The following EDIL3 variants were observed in gnomAD, a reference collection of about 807,000 sequenced individuals.
EDIL3 encodes EGF-like repeat and discoidin I-like domain-containing protein 3.
Under a neutral mutation model 67.4 loss-of-function variants are expected in EDIL3, and 37 were observed. The ratio of observed to expected loss-of-function variants is 0.55; its 90% CI spans 0.42 to 0.72. The LOEUF (loss-of-function observed/expected upper bound fraction) is 0.72. Ranked by LOEUF, EDIL3 falls within the 30% of genes least tolerant of loss-of-function variation. The pLI, the probability that EDIL3 is intolerant of heterozygous loss-of-function variation, is 0.00. For synonymous variants in EDIL3, 195 were observed against 196.3 expected (o/e 0.99, Z 0.05); for missense variants, 527 against 586.3 (o/e 0.90, Z 1.04).
At chr5:84,058,479 A>G (rs1746487868) in intron 9 of EDIL3, among the ~76,000 whole-genome samples, 1 of 152,172 alleles carries the variant, frequency 6.6e-6, no homozygotes, top group South Asian at 2.1e-4. Flanking sequence ...GGGTGGTAGC[A>G]CTGGTGATAG....
At chr5:84,329,485 T>A (rs1270276514) in intron 1 of EDIL3, among the ~76,000 whole-genome samples, 1 of 152,110 alleles carries the variant, frequency 6.6e-6, no homozygotes, top group Non-Finnish European at 1.5e-5. Context: ...CTCTCACAGT[T>A]GTATAGCTCA....
At chr5:84,154,365 CAAT>C (rs1748452785) in intron 4 of EDIL3, among the ~76,000 whole-genome samples, 2 of 151,930 alleles carry the variant, frequency 1.3e-5, no homozygotes, top group South Asian at 4.1e-4. Context: ...AAAAGTGGAA[CAAT>C]GAGAATACTT....
At position 83,980,711 on chromosome 5, in the gene EDIL3, A is replaced by C. The variant is rs549331118; in HGVS notation, c.1138-17351T>G. 3.1e-3 allele frequency among the ~76,000 whole-genome samples: 462 copies of C among 147,230 alleles called. 3 individuals carry two copies. Among genetic ancestry groups the C allele is most frequent in the African/African-American group, 0.01 (408 of 40,722 alleles). On this transcript the variant is annotated intron_variant, in intron 9 of 10. Transcript: ENST00000296591. ...TATATATATATATTTATATATAATA[A>C]ATACATAAATAAAAATTAATAAAAA...
chr5:84,367,078 A>G (rs1486284683), intron 1 of EDIL3, among the ~76,000 whole-genome samples: 1 of 152,204 alleles, frequency 6.6e-6, no homozygotes, highest in Non-Finnish European at 1.5e-5. Flanking sequence ...AAAGATGCAA[A>G]TTATATCATA....
intron 9 of EDIL3, among the ~76,000 whole-genome samples, chr5:84,002,153 C>T (rs1434394344): frequency 6.6e-6 from 1 of 152,084 alleles, no homozygotes; most frequent in African/African-American, 2.4e-5. Context: ...TGTGATGCAT[C>T]ATATCAACAG....
intron 9 of EDIL3, among the ~76,000 whole-genome samples, chr5:84,026,101 A>G (rs188956558): frequency 2.0e-5 from 3 of 152,282 alleles, no homozygotes; most frequent in East Asian, 1.9e-4. Flanking sequence ...TGCAGAATAT[A>G]TGGATTTCTT....
chr5:84,305,674 C>T (rs201167415), intron 1 of EDIL3, among the ~76,000 whole-genome samples: 2 of 152,048 alleles, frequency 1.3e-5, no homozygotes, highest in Non-Finnish European at 2.9e-5. Context: ...GATCAGGAGA[C>T]GGAAACCATC....
chr5:84,001,516 GAT>G (rs1745331247), intron 9 of EDIL3, among the ~76,000 whole-genome samples: 1 of 151,252 alleles, frequency 6.6e-6, no homozygotes, highest in Non-Finnish European at 1.5e-5. Context: ...TGTTTCAAAA[GAT>G]AAAATCTACA....
chr5:84,055,255 T>C lies in EDIL3; in HGVS notation c.1137+5045A>G, dbSNP rs1177436272. 1.4e-5 allele frequency among the ~76,000 whole-genome samples: 2 copies of C among 146,472 alleles called. 1 individual carries two copies. The highest frequency in any genetic ancestry group is 5.4e-5 in the African/African-American group (2 of 37,214). ...TGGTGCTGGGAAAACTGGCTAGCCA[T>C]ATGTAGAAAGCTGAAACTGGATCCC... On this transcript the variant is annotated intron_variant, in intron 9 of 10. Coordinates refer to ENST00000296591, the MANE Select transcript of EDIL3 (RefSeq NM_005711.5).
At chr5:84,247,404 G>A (rs1161593924) in intron 2 of EDIL3, among the ~76,000 whole-genome samples, 2 of 151,048 alleles carry the variant, frequency 1.3e-5, no homozygotes, top group South Asian at 2.1e-4. Context: ...TTCGGACAAC[G>A]TCAGACTCTA....
intron 1 of EDIL3, among the ~76,000 whole-genome samples, chr5:84,357,503 C>T (rs893495699): frequency 2.0e-5 from 3 of 152,058 alleles, no homozygotes; most frequent in Admixed American, 6.6e-5. Flanking sequence ...TATACAGACA[C>T]CCTTTAAGGT....
intron 4 of EDIL3, among the ~76,000 whole-genome samples, chr5:84,146,729 A>T (rs948398848): frequency 6.6e-6 from 1 of 152,086 alleles, no homozygotes; most frequent in African/African-American, 2.4e-5. Context: ...TCTTTTATAC[A>T]TATCTTTTAA....
chr5:84,322,047 T>G (rs563610701), intron 1 of EDIL3, among the ~76,000 whole-genome samples: 11 of 151,092 alleles, frequency 7.3e-5, no homozygotes, highest in Admixed American at 3.3e-4. Context: ...AGCATGAAAA[T>G]TAAACAATAA....
At chr5:84,315,524 T>C (rs1746491943) in intron 1 of EDIL3, among the ~76,000 whole-genome samples, 1 of 152,206 alleles carries the variant, frequency 6.6e-6, no homozygotes, top group Non-Finnish European at 1.5e-5. Flanking sequence ...TCATTGATTT[T>C]AGCGTATCAG....
chr5:83,957,062 T>C (rs1197065324), intron 10 of EDIL3, among the ~76,000 whole-genome samples: 2 of 151,680 alleles, frequency 1.3e-5, no homozygotes, highest in African/African-American at 4.8e-5. Flanking sequence ...TGAATCCTAG[T>C]GTTTTGTATA....
At chr5:84,196,593 C>A (rs1370090495) in intron 3 of EDIL3, among the ~76,000 whole-genome samples, 1 of 151,930 alleles carries the variant, frequency 6.6e-6, no homozygotes, top group Non-Finnish European at 1.5e-5. Flanking sequence ...GATGTGAGGA[C>A]ATAGAACTTT....
At chr5:84,083,522 G>A (rs1402680188) in intron 6 of EDIL3, among the ~76,000 whole-genome samples, 2 of 152,060 alleles carry the variant, frequency 1.3e-5, no homozygotes, top group African/African-American at 2.4e-5. Flanking sequence ...CTCTAGCCAA[G>A]AGCAAGATGT....
At chr5:84,268,665 C>A (rs530279764) in intron 1 of EDIL3, among the ~76,000 whole-genome samples, 2 of 152,150 alleles carry the variant, frequency 1.3e-5, no homozygotes, top group African/African-American at 4.8e-5. Context: ...TGATGATTCA[C>A]GCACTTTTAT....
intron 4 of EDIL3, among the ~76,000 whole-genome samples, chr5:84,174,402 C>T (rs753914555): frequency 5.9e-5 from 9 of 152,166 alleles, no homozygotes; most frequent in Non-Finnish European, 7.3e-5. Flanking sequence ...GTGGAATACA[C>T]TCTCATATAT....
Sources: gnomAD v4.1 joint callset for allele counts (sites outside exome capture counted in the v4.1 genomes callset) on GRCh38, gnomAD v4.1.1 for gene constraint, MANE v1.5 for transcripts, NCBI Gene and HGNC (gene_info 2026-07-23, HGNC 2026-07-21) for gene names.